The following CNGA3 variants were observed in gnomAD, a reference collection of about 807,000 sequenced individuals.
The protein encoded by CNGA3 is cyclic nucleotide-gated channel alpha-3.
CNGA3 carries 42 observed loss-of-function variants against 46.6 expected under a neutral mutation model. That is an observed-to-expected ratio of 0.90 (90% CI 0.70 to 1.17). CNGA3 has a LOEUF of 1.17. Ranked by LOEUF, CNGA3 falls within the 50% of genes most tolerant of loss-of-function variation. CNGA3 has a pLI of 0.00. For synonymous variants in CNGA3, 394 were observed against 369.4 expected (o/e 1.07, Z -0.76); for missense variants, 893 against 890.7 (o/e 1.00, Z -0.03).
chr2:98,380,309 C>T lies in CNGA3; in HGVS notation c.350C>T (p.Ala117Val). The T allele has an allele frequency of 6.2e-7, 1 of 1,614,176 alleles. No individual in the cohort carries two copies. Among genetic ancestry groups the T allele is most frequent in the South Asian group, 1.1e-5 (1 of 91,078 alleles). The change falls in exon 4 of 8, where the codon GCC becomes GTC. Residue 117 changes from alanine (A) to valine (V), a missense_variant. Transcript: ENST00000272602. Reference protein sequence around the residue: ...LKEVSSQESNAQANVGSQEPA... With the variant: ...LKEVSSQESNVQANVGSQEPA... ...GAGGTGTCCAGCCAAGAAAGCAATGCCCAGGCAAATGTGGGCAGCCAGGAG... is the reference window on the plus strand; with the variant it reads ...GAGGTGTCCAGCCAAGAAAGCAATGTCCAGGCAAATGTGGGCAGCCAGGAG...
rs761220533 is a variant in CNGA3 at position 98,370,073 on chromosome 2, G to T, written c.98G>T (p.Ser33Ile). Residue 33 changes from serine (S) to isoleucine (I), a missense_variant, in exon 2 of 8, where the codon AGC becomes ATC. Transcript: ENST00000272602. ...CTCAATCGCGCTGAAAATGGCCTCAGCAGGTAAGATGGGCTAAGATGGGCT... is the reference window on the plus strand; with the variant it reads ...CTCAATCGCGCTGAAAATGGCCTCATCAGGTAAGATGGGCTAAGATGGGCT... ...RDLNRAENGLSRAHSSSEETS... is the reference protein window; with the variant it reads ...RDLNRAENGLIRAHSSSEETS... 1 of 1,611,612 alleles carries T rather than the reference G, an allele frequency of 6.2e-7. No individual in the cohort carries two copies. Among genetic ancestry groups the T allele is most frequent in the Non-Finnish European group, 8.5e-7 (1 of 1,178,034 alleles).
chr2:98,393,735 T>G (rs1260590548), intron 7 of CNGA3, among the ~76,000 whole-genome samples: 1 of 152,060 alleles, frequency 6.6e-6, no homozygotes, highest in Non-Finnish European at 1.5e-5. Flanking sequence ...GCTTGGGTAG[T>G]ACCCTAAGCA....
At position 98,398,310 on chromosome 2, in the gene CNGA3, A is replaced by T. The variant is rs905065617; in HGVS notation, c.*1055A>T. 4 of 152,230 alleles carry T rather than the reference A, an allele frequency of 2.6e-5. No individual in the cohort carries two copies. The highest frequency in any genetic ancestry group is 5.9e-5 in the Non-Finnish European group (4 of 68,040). The allele number at this position is 152,230 out of a possible 1,614,324, so 9.4% of individuals were successfully genotyped here. A position where few individuals can be genotyped will look rare whatever the true frequency, so the allele number is the denominator to read the frequency against. On this transcript the variant is annotated 3_prime_UTR_variant, in exon 8 of 8. Transcript: ENST00000272602. Reference sequence around the variant, plus strand: ...AACAAACCCCAGTAAATATAATTTCATTAACATTTTATAACAGATTTATAT... The same window carrying T: ...AACAAACCCCAGTAAATATAATTTCTTTAACATTTTATAACAGATTTATAT...
chr2:98,350,489 C>T (rs1452654891), intron 1 of CNGA3, among the ~76,000 whole-genome samples: 1 of 152,214 alleles, frequency 6.6e-6, no homozygotes, highest in Non-Finnish European at 1.5e-5. Flanking sequence ...AGCTCTGTTT[C>T]CCCAGCTCTG....
At position 98,398,541 on chromosome 2, in the gene CNGA3, C is replaced by A. The variant is rs1445923347; in HGVS notation, c.*1286C>A. 1 of 151,892 alleles carries A rather than the reference C, an allele frequency of 6.6e-6. No homozygotes were observed. The highest frequency in any genetic ancestry group is 2.4e-5 in the African/African-American group (1 of 41,308). The allele number at this position is 151,892 out of a possible 1,614,324, so 9.4% of individuals were successfully genotyped here. A position where few individuals can be genotyped will look rare whatever the true frequency, so the allele number is the denominator to read the frequency against. ...AATGTATATATTTTAAAAGCCTTAACTGTTAGTTATGCCTGCATTCATATT... is the reference window on the plus strand; with the variant it reads ...AATGTATATATTTTAAAAGCCTTAAATGTTAGTTATGCCTGCATTCATATT... On this transcript the variant is annotated 3_prime_UTR_variant, in exon 8 of 8. Coordinates refer to ENST00000272602, the MANE Select transcript of CNGA3 (RefSeq NM_001298.3).
chr2:98,355,224 C>A (rs1691854265), intron 1 of CNGA3, among the ~76,000 whole-genome samples: 1 of 152,198 alleles, frequency 6.6e-6, no homozygotes. Context: ...TTGTTGAGAA[C>A]TTTTGCATAT....
intron 5 of CNGA3, among the ~76,000 whole-genome samples, chr2:98,384,091 G>A (rs1305341964): frequency 2.0e-5 from 3 of 151,996 alleles, no homozygotes; most frequent in Non-Finnish European, 2.9e-5. Flanking sequence ...GGGTTTCACC[G>A]TGTTAGCCAG....
intron 1 of CNGA3, among the ~76,000 whole-genome samples, chr2:98,355,537 G>A (rs887404934): frequency 9.2e-5 from 14 of 151,920 alleles, no homozygotes; most frequent in African/African-American, 3.4e-4. Context: ...AAGATGTTCT[G>A]CACATATTTT....
intron 1 of CNGA3, among the ~76,000 whole-genome samples, chr2:98,367,528 C>T (rs547007553): frequency 6.6e-6 from 1 of 152,234 alleles, no homozygotes; most frequent in Admixed American, 6.5e-5. Flanking sequence ...ATCTTGGTCC[C>T]TCCCCGGATT....
At chr2:98,367,341 CCCA>C (rs1692186722) in intron 1 of CNGA3, among the ~76,000 whole-genome samples, 1 of 151,790 alleles carries the variant, frequency 6.6e-6, no homozygotes, top group African/African-American at 2.4e-5. Context: ...ACTACAGGCA[CCCA>C]CCACCACGCC....
At chr2:98,374,684 T>C (rs924980170) in intron 2 of CNGA3, among the ~76,000 whole-genome samples, 6 of 152,214 alleles carry the variant, frequency 3.9e-5, no homozygotes, top group Non-Finnish European at 8.8e-5. Context: ...AAAATCAGTT[T>C]CTGGGAGAAG....
chr2:98,367,069 C>CTAGTCAG (rs927890532), intron 1 of CNGA3, among the ~76,000 whole-genome samples: 1 of 152,058 alleles, frequency 6.6e-6, no homozygotes, highest in Non-Finnish European at 1.5e-5. Context: ...TTGGGACTGC[C>CTAGTCAG]TAGTCAGTCC....
rs1574379157 is a variant in CNGA3 at position 98,381,567 on chromosome 2, C to T, written c.395+1213C>T. The stretch of plus-strand genomic sequence containing the variant: ...ATGTCATAGATGATGCAGGGGATGG[C>T]GAACGGCACGGGCATTTTTAAGATG... On this transcript the variant is annotated intron_variant, in intron 4 of 7. Transcript: ENST00000272602. Among the ~76,000 whole-genome samples the T allele has an allele frequency of 3.9e-5, 6 of 152,172 alleles. No homozygotes were observed. In the South Asian group the frequency reaches 1.0e-3, roughly 26 times the overall value.
At position 98,398,429 on chromosome 2, in the gene CNGA3, T is replaced by TCTTTCCTTTTTCCATTCTTCTTC; in HGVS notation, c.*1187_*1188insATTCTTCTTCCTTTCCTTTTTCC. 6.6e-6 allele frequency: 1 copy of TCTTTCCTTTTTCCATTCTTCTTC among 152,350 alleles called. No homozygotes were observed. Among genetic ancestry groups the TCTTTCCTTTTTCCATTCTTCTTC allele is most frequent in the East Asian group, 1.9e-4 (1 of 5,196 alleles). 9.4% of individuals were successfully genotyped at this position (152,350 alleles called of 1,614,324 possible). ...TACCCAAAGATGAGTCTTTCTTCTTTCTTTCCTTTTTCCTTTCTTCTTCCT... is the reference window on the plus strand; with the variant it reads ...TACCCAAAGATGAGTCTTTCTTCTTTCTTTCCTTTTTCCATTCTTCTTCCTTTCCTTTTTCCTTTCTTCTTCCT... On this transcript the variant is annotated 3_prime_UTR_variant, in exon 8 of 8. Coordinates refer to ENST00000272602, the MANE Select transcript of CNGA3 (RefSeq NM_001298.3).
chr2:98,348,852 G>T (rs1041072148), intron 1 of CNGA3, among the ~76,000 whole-genome samples: 1 of 152,216 alleles, frequency 6.6e-6, no homozygotes, highest in Non-Finnish European at 1.5e-5. Flanking sequence ...AACCTACCAG[G>T]TGGCCTGCAT....
intron 5 of CNGA3, among the ~76,000 whole-genome samples, chr2:98,386,339 C>T (rs182196369): frequency 7.9e-5 from 12 of 152,300 alleles, no homozygotes; most frequent in Admixed American, 6.5e-5. Context: ...AATTGTAGCT[C>T]CTCTAATTCC....
At chr2:98,394,545 C>T (rs1367630934) in intron 7 of CNGA3, among the ~76,000 whole-genome samples, 1 of 152,180 alleles carries the variant, frequency 6.6e-6, no homozygotes. Flanking sequence ...CCCATGTACC[C>T]TCACCCAGCT....
intron 2 of CNGA3, among the ~76,000 whole-genome samples, chr2:98,374,054 A>C (rs1251807962): frequency 1.3e-5 from 2 of 152,224 alleles, no homozygotes; most frequent in African/African-American, 4.8e-5. Context: ...GAGGAAATTA[A>C]AGTGTCGTAT....
intron 5 of CNGA3, among the ~76,000 whole-genome samples, chr2:98,384,247 G>A (rs992058563): frequency 2.0e-5 from 3 of 152,028 alleles, no homozygotes; most frequent in African/African-American, 7.2e-5. Context: ...TCAGAGCAGT[G>A]GAAAAAGGCA....
Sources: gnomAD v4.1 joint callset for allele counts (sites outside exome capture counted in the v4.1 genomes callset) on GRCh38, gnomAD v4.1.1 for gene constraint, MANE v1.5 for transcripts, NCBI Gene and HGNC (gene_info 2026-07-23, HGNC 2026-07-21) for gene names.